Variants in ZNF248 observed in about 807,000 individuals in gnomAD.
ZNF248 encodes zinc finger protein 248, also known as KRAB protein domain.
ZNF248 carries 20 observed loss-of-function variants against 44.3 expected under a neutral mutation model. That is an observed-to-expected ratio of 0.45 (90% CI 0.32 to 0.66). The LOEUF is 0.66. Ranked by LOEUF, ZNF248 falls within the 30% of genes least tolerant of loss-of-function variation. The pLI, the probability that ZNF248 is intolerant of heterozygous loss-of-function variation, is 0.04. For missense variants in ZNF248, 654 were observed against 677.0 expected, an observed-to-expected ratio of 0.97 and a Z score of 0.38; for synonymous variants, 224 against 229.0, an observed-to-expected ratio of 0.98 and a Z score of 0.20.
intron 6 of ZNF248, among the ~76,000 whole-genome samples, chr10:37,812,437 T>G (rs1311128220): frequency 2.0e-5 from 3 of 152,168 alleles, no homozygotes; most frequent in African/African-American, 4.8e-5. Flanking sequence ...GGTTTATGAT[T>G]AGGTCTGCCT....
chr10:37,820,949 G>A (rs535528500), intron 6 of ZNF248: 59 of 1,594,578 alleles, frequency 3.7e-5, no homozygotes, highest in East Asian at 2.2e-4. Flanking sequence ...AATTCCTGCC[G>A]TCGTGGGTCC....
At chr10:37,802,980 C>T (rs2050012195) in intron 6 of ZNF248, 1 of 151,720 alleles carries the variant, frequency 6.6e-6, no homozygotes, top group Non-Finnish European at 1.5e-5. Context: ...AAGTGCGCAC[C>T]ACCACAGCCA....
the ZNF248 span, among the ~76,000 whole-genome samples, chr10:37,767,088 G>T: frequency 3.3e-5 from 5 of 152,254 alleles, no homozygotes; most frequent in East Asian, 9.6e-4. Flanking sequence ...AGAATAAAAA[G>T]AAACGAGCAA....
chr10:37,831,635 T>C lies in ZNF248; in HGVS notation c.1720A>G (p.Lys574Glu), dbSNP rs534688418. The change falls in exon 6 of 6, where the codon AAA (lysine) becomes GAA (glutamate). Residue 574 changes from lysine to glutamate, a missense_variant. Physicochemically the swap from Lys to Glu is moderately conservative, Grantham distance 56 (BLOSUM62 1). Coordinates refer to ENST00000395867, the MANE Select transcript of ZNF248 (RefSeq NM_021045.3). ...TKHQRIHTRV[K>E]ALSTS is the part of the protein sequence containing the mutation. ...AACATTCAGGATGTTGAAAGAGCTT[T>C]CACCCTTGTGTGAATTCTCTGATGT... 2 of 1,613,560 alleles carry C rather than the reference T, an allele frequency of 1.2e-6. No individual in the cohort carries two copies. The highest frequency in any genetic ancestry group is 2.2e-5 in the South Asian group (2 of 91,062).
intron 6 of ZNF248, among the ~76,000 whole-genome samples, chr10:37,817,035 A>G (rs981539227): frequency 6.6e-6 from 1 of 152,094 alleles, no homozygotes; most frequent in Non-Finnish European, 1.5e-5. Context: ...ATTTCTCCTC[A>G]GCTGTACTAA....
chr10:37,803,480 C>T (rs1307959971), intron 6 of ZNF248: 1 of 152,346 alleles, frequency 6.6e-6, no homozygotes, highest in East Asian at 1.9e-4. Context: ...GCCATGGTTT[C>T]TGCATGTGCT....
intron 6 of ZNF248, among the ~76,000 whole-genome samples, chr10:37,797,564 G>A (rs546895334): frequency 2.6e-5 from 4 of 152,118 alleles, no homozygotes; most frequent in African/African-American, 9.6e-5. Context: ...TCTGACAAGG[G>A]TCTGGTATCC....
chr10:37,832,519 A>G lies in ZNF248; in HGVS notation c.836T>C (p.Phe279Ser), dbSNP rs2056061366. ...ATGTCCAAACCTTAAATTCATGCAG[A>G]AGGACTTCCCGCAAATACTGCATCC... Reference protein sequence around the residue: ...PYGCSICGKSFCMNLRFGHQR... With the variant: ...PYGCSICGKSSCMNLRFGHQR... Residue 279 changes from phenylalanine (F) to serine (S), a missense_variant, in exon 6 of 6, where the codon TTC (phenylalanine) becomes TCC (serine). Physicochemically the swap from Phe to Ser is radical, Grantham distance 155 (BLOSUM62 -2). Coordinates refer to ENST00000395867, the MANE Select transcript of ZNF248 (RefSeq NM_021045.3). 1.2e-6 allele frequency: 2 copies of G among 1,613,840 alleles called. No individual in the cohort carries two copies. Among genetic ancestry groups the G allele is most frequent in the Admixed American group, 1.7e-5 (1 of 59,968 alleles).
chr10:37,799,665 T>G (rs1170445468), intron 6 of ZNF248, among the ~76,000 whole-genome samples: 1 of 152,016 alleles, frequency 6.6e-6, no homozygotes, highest in African/African-American at 2.4e-5. Context: ...GTAAGAAGGG[T>G]GAGACAGGAC....
chr10:37,766,834 G>A, the ZNF248 span, among the ~76,000 whole-genome samples: 3 of 152,078 alleles, frequency 2.0e-5, no homozygotes, highest in Admixed American at 6.6e-5. Flanking sequence ...CCGAGCTACA[G>A]GAGGAAATTC....
chr10:37,810,027 T>C (rs914021501), intron 6 of ZNF248, among the ~76,000 whole-genome samples: 1 of 152,208 alleles, frequency 6.6e-6, no homozygotes, highest in African/African-American at 2.4e-5. Context: ...TTGTTGGATA[T>C]AGTGTTGTGT....
intron 6 of ZNF248, among the ~76,000 whole-genome samples, chr10:37,787,250 GC>G (rs1298255161): frequency 3.9e-5 from 6 of 152,062 alleles, no homozygotes; most frequent in Non-Finnish European, 7.4e-5. Flanking sequence ...CTGCACTCCA[GC>G]CTGGGTGACA....
At chr10:37,777,664 T>A (rs1779053) in intron 6 of ZNF248, among the ~76,000 whole-genome samples, 8,517 of 147,396 alleles carry the variant, frequency 0.058, 330 homozygotes, top group Middle Eastern at 0.095. Flanking sequence ...TAGGTATATC[T>A]CCCAATGCTA....
chr10:37,825,037 C>A (rs917849809), downstream of ZNF248, among the ~76,000 whole-genome samples: 45 of 151,958 alleles, frequency 3.0e-4, no homozygotes, highest in African/African-American at 1.0e-3. Flanking sequence ...AAAAAATATT[C>A]CCATAGACAA....
the ZNF248 span, among the ~76,000 whole-genome samples, chr10:37,765,382 A>C: frequency 2.0e-4 from 31 of 152,310 alleles, no homozygotes; most frequent in Non-Finnish European, 4.4e-4. Flanking sequence ...TACAAGGAAA[A>C]AAGTTTCAGC....
At position 37,800,918 on chromosome 10, in the gene ZNF248, C is replaced by T. The variant is rs2049736260; in HGVS notation, c.331-24343G>A. 2.0e-5 allele frequency among the ~76,000 whole-genome samples: 3 copies of T among 151,890 alleles called. No homozygotes were observed. In the South Asian group the frequency reaches 6.2e-4, roughly 32 times the overall value. ...CTGGGATTACAGGCATCTGCCACTACACCCAGCTAATTTTTGTATTTTTAG... is the reference window on the plus strand; with the variant it reads ...CTGGGATTACAGGCATCTGCCACTATACCCAGCTAATTTTTGTATTTTTAG... On this transcript the variant is annotated intron_variant, in intron 6 of 6. Transcript: ENST00000615949.
At chr10:37,815,588 G>T (rs1022636406) in intron 6 of ZNF248, among the ~76,000 whole-genome samples, 1 of 151,996 alleles carries the variant, frequency 6.6e-6, no homozygotes, top group Non-Finnish European at 1.5e-5. Flanking sequence ...TTAAGACAGT[G>T]TTTTAATTTG....
At chr10:37,795,559 A>G (rs1481335530) in intron 6 of ZNF248, 2 of 152,058 alleles carry the variant, frequency 1.3e-5, no homozygotes, top group Non-Finnish European at 2.9e-5. Flanking sequence ...TTCCATATTC[A>G]TTAAATCCTT....
chr10:37,847,937 T>C lies in ZNF248; in HGVS notation c.15+8359A>G, dbSNP rs747843897. 1.6e-4 allele frequency among the ~76,000 whole-genome samples: 25 copies of C among 152,144 alleles called. No individual in the cohort carries two copies. The South Asian group carries it at 1.7e-3, about 10-fold the overall frequency. ...AAGAATGGGTATTTCTAGCCTGAAA[T>C]AGATATTTATCTATCCTAACTCCAA... On this transcript the variant is annotated intron_variant, in intron 3 of 5. Coordinates refer to ENST00000395867, the MANE Select transcript of ZNF248 (RefSeq NM_021045.3).
Sources: allele counts gnomAD v4.1 joint callset (sites outside exome capture counted in the v4.1 genomes callset), GRCh38; gene constraint gnomAD v4.1.1; transcripts MANE v1.5; gene names NCBI Gene and HGNC (gene_info 2026-07-23, HGNC 2026-07-21).